TTC34: variants seen among roughly 807,000 people sequenced by gnomAD.
TTC34 encodes tetratricopeptide repeat domain 34.
A neutral mutation model predicts 40.7 loss-of-function variants in TTC34; 44 were observed. That is an observed-to-expected ratio of 1.08 (90% CI 0.85 to 1.39). The LOEUF (loss-of-function observed/expected upper bound fraction) is 1.39, where lower values mean the gene tolerates loss of function less well. TTC34 is among the 40% of genes most tolerant of loss of function. TTC34 has a pLI of 0.00. For missense variants in TTC34, 884 were observed against 838.0 expected, an observed-to-expected ratio of 1.05 and a Z score of -0.68; for synonymous variants, 422 against 398.6, an observed-to-expected ratio of 1.06 and a Z score of -0.70.
intron 6 of TTC34, among the ~76,000 whole-genome samples, chr1:2,754,849 G>T (rs1641452660): frequency 1.5e-5 from 2 of 132,556 alleles, no homozygotes; most frequent in South Asian, 2.6e-4. Flanking sequence ...GACTGGAACA[G>T]CACCCACATG....
chr1:2,753,683 A>G (rs1641404077), intron 6 of TTC34, among the ~76,000 whole-genome samples: 1 of 97,334 alleles, frequency 1.0e-5, no homozygotes, highest in Non-Finnish European at 1.9e-5. Context: ...GAGAGCCTGG[A>G]ACAGCACCCT....
chr1:2,688,618 T>G (rs1450196144), intron 6 of TTC34, among the ~76,000 whole-genome samples: 1 of 125,510 alleles, frequency 8.0e-6, no homozygotes, highest in African/African-American at 3.5e-5. Flanking sequence ...CACCCCCAGG[T>G]GCGCATCTGA....
At chr1:2,758,512 C>CT (rs1641579313) in intron 6 of TTC34, among the ~76,000 whole-genome samples, 2 of 84,578 alleles carry the variant, frequency 2.4e-5, no homozygotes, top group Admixed American at 1.1e-4. Flanking sequence ...GAACCGCACC[C>CT]ACACCCCCAG....
intron 6 of TTC34, among the ~76,000 whole-genome samples, chr1:2,693,104 A>C (rs1640701054): frequency 1.1e-5 from 1 of 91,072 alleles, no homozygotes; most frequent in Admixed American, 1.1e-4. Flanking sequence ...CAGCACCCAC[A>C]CCCTCAGGTG....
At chr1:2,694,752 C>G (rs899159322) in intron 6 of TTC34, among the ~76,000 whole-genome samples, 1 of 81,276 alleles carries the variant, frequency 1.2e-5, no homozygotes. Context: ...CACCCCAAAC[C>G]CACAGGTGAG....
exon 6 of TTC34, chr1:2,783,663 G>C: frequency 6.5e-7 from 1 of 1,533,178 alleles, no homozygotes; most frequent in Non-Finnish European, 8.8e-7. Context: ...GTGCCTGCAC[G>C]TTCCCCGGCT....
At chr1:2,652,443 AC>A (rs1639175365) in intron 6 of TTC34, among the ~76,000 whole-genome samples, 1 of 151,934 alleles carries the variant, frequency 6.6e-6, no homozygotes, top group Non-Finnish European at 1.5e-5. Context: ...CAGCACCCAC[AC>A]CCCCAGGTGA....
intron 2 of TTC34, among the ~76,000 whole-genome samples, chr1:2,798,832 T>C (rs907480224): frequency 1.5e-5 from 1 of 66,854 alleles, no homozygotes; most frequent in African/African-American, 7.0e-5. Flanking sequence ...CCCACCAGCC[T>C]CCCAGCCTCT....
At chr1:2,687,792 G>T (rs1640432895) in intron 6 of TTC34, among the ~76,000 whole-genome samples, 1 of 150,174 alleles carries the variant, frequency 6.7e-6, no homozygotes, top group South Asian at 2.1e-4. Flanking sequence ...TGACAGCCTG[G>T]GTCGGCACCC....
chr1:2,786,506 C>A (rs1012847520), intron 4 of TTC34, among the ~76,000 whole-genome samples: 2 of 152,182 alleles, frequency 1.3e-5, no homozygotes, highest in Non-Finnish European at 2.9e-5. Context: ...GTCTGAGCCG[C>A]ATCTGTCTGC....
chr1:2,783,294 AC>A (rs1446134809), intron 6 of TTC34, among the ~76,000 whole-genome samples: 2 of 152,192 alleles, frequency 1.3e-5, no homozygotes, highest in East Asian at 3.9e-4. Flanking sequence ...CTGGCCAACA[AC>A]CCCAGAGGGA....
chr1:2,641,799 C>A, exon 9 of TTC34: 1 of 1,535,244 alleles, frequency 6.5e-7, no homozygotes, highest in African/African-American at 1.4e-5. Context: ...AGGTGACAGG[C>A]ACTGCTGCCA....
chr1:2,750,660 C>T, intron 6 of TTC34, among the ~76,000 whole-genome samples: 1 of 152,140 alleles, frequency 6.6e-6, no homozygotes, highest in Admixed American at 6.5e-5. Flanking sequence ...AGGTGAGCAT[C>T]TGACAGCCTG....
chr1:2,654,770 C>CAG (rs1639281637), intron 6 of TTC34, among the ~76,000 whole-genome samples: 110 of 54,444 alleles, frequency 2.0e-3, no homozygotes, highest in African/African-American at 7.1e-3. Context: ...ACAGCAACCA[C>CAG]ACCCCGGGGC....
At chr1:2,755,156 T>G (rs1272734660) in intron 6 of TTC34, among the ~76,000 whole-genome samples, 1 of 37,158 alleles carries the variant, frequency 2.7e-5, no homozygotes, top group Non-Finnish European at 4.3e-5. Flanking sequence ...GGTGAGCATG[T>G]GACAGCCTGG....
At chr1:2,785,177 G>GT (rs1377420965) in intron 5 of TTC34, among the ~76,000 whole-genome samples, 9 of 152,216 alleles carry the variant, frequency 5.9e-5, no homozygotes, top group African/African-American at 1.9e-4. Flanking sequence ...GCATGGCCAG[G>GT]TTCCACGTGG....
intron 6 of TTC34, among the ~76,000 whole-genome samples, chr1:2,771,635 T>C (rs1437525706): frequency 2.9e-4 from 9 of 31,490 alleles, no homozygotes; most frequent in African/African-American, 4.4e-4. Context: ...CCTGGAGCAG[T>C]GCCCACACCC....
At chr1:2,764,422 C>T (rs1349288479) in intron 6 of TTC34, among the ~76,000 whole-genome samples, 1 of 144,546 alleles carries the variant, frequency 6.9e-6, no homozygotes, top group Non-Finnish European at 1.5e-5. Flanking sequence ...GCACCCACAC[C>T]CCCAGGTGAG....
chr1:2,750,780 T>A (rs1271572886), intron 6 of TTC34, among the ~76,000 whole-genome samples: 1 of 112,792 alleles, frequency 8.9e-6, no homozygotes, highest in Non-Finnish European at 1.7e-5. Flanking sequence ...CAGGTGAACA[T>A]CGGAGAGTCT....
Sources: gnomAD v4.1 joint callset for allele counts (sites outside exome capture counted in the v4.1 genomes callset) on GRCh38, gnomAD v4.1.1 for gene constraint, MANE v1.5 for transcripts, NCBI Gene and HGNC (gene_info 2026-07-23, HGNC 2026-07-21) for gene names.